The following CSMD3 variants were observed in gnomAD, a reference collection of about 807,000 sequenced individuals.
The protein encoded by CSMD3 is CUB and sushi domain-containing protein 3.
CSMD3 carries 177 observed loss-of-function variants against 435.2 expected under a neutral mutation model. That is an observed-to-expected ratio of 0.41 (90% CI 0.36 to 0.46). The LOEUF (loss-of-function observed/expected upper bound fraction) is 0.46. CSMD3 is among the 20% of genes least tolerant of loss of function. The pLI, the probability that CSMD3 is intolerant of heterozygous loss-of-function variation, is 0.34. For synonymous variants in CSMD3, 1,656 were observed against 1,520.5 expected, an observed-to-expected ratio of 1.09 and a Z score of -2.07; for missense variants, 4,265 against 4,504.6, an observed-to-expected ratio of 0.95 and a Z score of 1.52.
intron 3 of CSMD3, among the ~76,000 whole-genome samples, chr8:113,267,450 G>A (rs545170722): frequency 1.4e-4 from 21 of 151,836 alleles, no homozygotes; most frequent in East Asian, 5.8e-4. Flanking sequence ...CAGCAACATC[G>A]ATGGAAGTGG....
At chr8:112,646,204 C>CTA (rs1334426802) in intron 19 of CSMD3, among the ~76,000 whole-genome samples, 2 of 152,112 alleles carry the variant, frequency 1.3e-5, no homozygotes, top group Non-Finnish European at 2.9e-5. Context: ...CTTCAAAGGA[C>CTA]TATATGTCAT....
chr8:112,226,583 T>C lies in CSMD3; in HGVS notation c.10965-1653A>G, dbSNP rs1055016966. Among the ~76,000 whole-genome samples the C allele has an allele frequency of 7.2e-5, 11 of 152,112 alleles. 1 individual carries two copies. Among genetic ancestry groups the C allele is most frequent in the Admixed American group, 6.5e-4 (10 of 15,268 alleles). On this transcript the variant is annotated intron_variant, in intron 70 of 70. Coordinates refer to ENST00000297405, the MANE Select transcript of CSMD3 (RefSeq NM_198123.2). ...ATTTAACTTCATCAAATGGAAACTTTTGTACATCAAAGAACACTCTCAAGA... is the reference window on the plus strand; with the variant it reads ...ATTTAACTTCATCAAATGGAAACTTCTGTACATCAAAGAACACTCTCAAGA...
intron 6 of CSMD3, among the ~76,000 whole-genome samples, chr8:112,985,316 C>T (rs1245152079): frequency 6.6e-6 from 1 of 151,908 alleles, no homozygotes; most frequent in Non-Finnish European, 1.5e-5. Context: ...AAAGGCAAGA[C>T]ATATTCAGAA....
chr8:112,631,450 C>T (rs547591247), intron 22 of CSMD3, among the ~76,000 whole-genome samples: 2 of 152,092 alleles, frequency 1.3e-5, no homozygotes, highest in East Asian at 3.9e-4. Flanking sequence ...GAAAATTGTG[C>T]ATCAATAAAT....
intron 5 of CSMD3, among the ~76,000 whole-genome samples, chr8:113,038,863 C>A (rs2087475082): frequency 6.6e-6 from 1 of 151,358 alleles, no homozygotes; most frequent in Admixed American, 6.6e-5. Context: ...AAAATGAATG[C>A]TTTTTCTTTG....
At chr8:112,361,612 T>C (rs1318893387) in intron 38 of CSMD3, among the ~76,000 whole-genome samples, 1 of 117,808 alleles carries the variant, frequency 8.5e-6, no homozygotes, top group African/African-American at 3.0e-5. Flanking sequence ...TATATATATA[T>C]ATATATATGT....
chr8:112,357,638 C>A (rs1265033448), intron 38 of CSMD3, among the ~76,000 whole-genome samples: 1 of 152,154 alleles, frequency 6.6e-6, no homozygotes, highest in African/African-American at 2.4e-5. Flanking sequence ...GGTCCCCATG[C>A]TGTGTGCAGC....
At chr8:112,590,954 G>T (rs937095450) in intron 22 of CSMD3, among the ~76,000 whole-genome samples, 1 of 152,024 alleles carries the variant, frequency 6.6e-6, no homozygotes, top group Non-Finnish European at 1.5e-5. Flanking sequence ...TAAATGTAAA[G>T]CTATTAATAG....
intron 22 of CSMD3, among the ~76,000 whole-genome samples, chr8:112,599,810 A>AT (rs1194664528): frequency 7.0e-6 from 1 of 143,462 alleles, no homozygotes; most frequent in Non-Finnish European, 1.5e-5. Context: ...ATAGGTGGGA[A>AT]TTGAACAATG....
intron 11 of CSMD3, among the ~76,000 whole-genome samples, chr8:112,851,440 C>A (rs372092791): frequency 6.6e-6 from 1 of 151,958 alleles, no homozygotes; most frequent in African/African-American, 2.4e-5. Flanking sequence ...GAGAGAGAAT[C>A]GTGACATAAA....
chr8:112,620,414 ATGTCCCAG>A (rs1274587721), intron 22 of CSMD3, among the ~76,000 whole-genome samples: 1 of 152,164 alleles, frequency 6.6e-6, no homozygotes, highest in Non-Finnish European at 1.5e-5. Context: ...GTGTTAAAGT[ATGTCCCAG>A]CTGACAGACA....
chr8:113,015,241 T>C (rs932469577), intron 6 of CSMD3, among the ~76,000 whole-genome samples: 1 of 152,244 alleles, frequency 6.6e-6, no homozygotes, highest in South Asian at 2.1e-4. Context: ...TTCTGTCCAA[T>C]AAATATGCTT....
chr8:113,289,400 T>A (rs1014041480), intron 2 of CSMD3, among the ~76,000 whole-genome samples: 1 of 150,326 alleles, frequency 6.7e-6, no homozygotes, highest in African/African-American at 2.4e-5. Context: ...TTCTGCTAAG[T>A]TTATCATTGC....
chr8:113,288,157 G>A (rs950179737), intron 2 of CSMD3, among the ~76,000 whole-genome samples: 2 of 151,696 alleles, frequency 1.3e-5, no homozygotes, highest in African/African-American at 4.8e-5. Context: ...AACTATTTGT[G>A]TAAAACTATG....
chr8:113,204,126 G>GT (rs1376585814), intron 3 of CSMD3, among the ~76,000 whole-genome samples: 1 of 151,964 alleles, frequency 6.6e-6, no homozygotes, highest in South Asian at 2.1e-4. Context: ...TTAGATTTAT[G>GT]TTTTTCCCTG....
chr8:112,671,456 C>G (rs573871917), intron 16 of CSMD3, among the ~76,000 whole-genome samples: 3 of 152,210 alleles, frequency 2.0e-5, no homozygotes, highest in South Asian at 4.2e-4. Context: ...CAACCTACCC[C>G]CTAACATGCT....
At chr8:112,901,473 T>C (rs2082107520) in intron 10 of CSMD3, among the ~76,000 whole-genome samples, 1 of 151,298 alleles carries the variant, frequency 6.6e-6, no homozygotes, top group Non-Finnish European at 1.5e-5. Flanking sequence ...AAAGTTGACC[T>C]ACTACTGGAG....
intron 13 of CSMD3, among the ~76,000 whole-genome samples, chr8:112,717,250 G>T (rs920184264): frequency 6.6e-6 from 1 of 151,608 alleles, no homozygotes; most frequent in Non-Finnish European, 1.5e-5. Flanking sequence ...CATAAAAGGC[G>T]GGTGAAGGAC....
chr8:112,756,971 G>C (rs2077715861), intron 13 of CSMD3, among the ~76,000 whole-genome samples: 1 of 152,006 alleles, frequency 6.6e-6, no homozygotes, highest in African/African-American at 2.4e-5. Flanking sequence ...GTTTCACCAT[G>C]TTGGCCATGC....
Sources: gnomAD v4.1 joint callset for allele counts (sites outside exome capture counted in the v4.1 genomes callset) on GRCh38, gnomAD v4.1.1 for gene constraint, MANE v1.5 for transcripts, NCBI Gene and HGNC (gene_info 2026-07-23, HGNC 2026-07-21) for gene names.